Variants in GPC5 observed in about 807,000 individuals in gnomAD.
GPC5 encodes glypican 5, also known as glypican-5.
GPC5 carries 47 observed loss-of-function variants against 53.9 expected under a neutral mutation model. That is an observed-to-expected ratio of 0.87 (90% CI 0.69 to 1.11). The LOEUF (loss-of-function observed/expected upper bound fraction) is 1.11, where lower values mean the gene tolerates loss of function less well. Ranked by LOEUF, GPC5 falls within the 50% of genes most tolerant of loss-of-function variation. The pLI, the probability that GPC5 is intolerant of heterozygous loss-of-function variation, is 0.00. For synonymous variants in GPC5, 286 were observed against 263.3 expected, an observed-to-expected ratio of 1.09 and a Z score of -0.84; for missense variants, 748 against 713.1, an observed-to-expected ratio of 1.05 and a Z score of -0.56.
intron 7 of GPC5, among the ~76,000 whole-genome samples, chr13:92,189,074 G>T (rs2042204291): frequency 6.6e-6 from 1 of 152,154 alleles, no homozygotes; most frequent in Non-Finnish European, 1.5e-5. Context: ...AACTCCAGGG[G>T]CACCTAGTCA....
chr13:92,812,000 T>C (rs1286814431), intron 7 of GPC5, among the ~76,000 whole-genome samples: 2 of 152,004 alleles, frequency 1.3e-5, no homozygotes, highest in Non-Finnish European at 2.9e-5. Context: ...ATTTTAGCTT[T>C]GTTGTATGCT....
At chr13:92,734,003 G>A (rs1888874609) in intron 7 of GPC5, among the ~76,000 whole-genome samples, 1 of 151,872 alleles carries the variant, frequency 6.6e-6, no homozygotes, top group East Asian at 1.9e-4. Flanking sequence ...TTAGATAGTG[G>A]CTGAGGCAGC....
chr13:92,505,005 C>T (rs1387002429), intron 7 of GPC5, among the ~76,000 whole-genome samples: 1 of 151,100 alleles, frequency 6.6e-6, no homozygotes, highest in African/African-American at 2.4e-5. Flanking sequence ...ATAAATAGGA[C>T]TACATCAAAA....
At chr13:91,744,393 G>A (rs1239965906) in intron 4 of GPC5, among the ~76,000 whole-genome samples, 1 of 152,118 alleles carries the variant, frequency 6.6e-6, no homozygotes, top group Non-Finnish European at 1.5e-5. Flanking sequence ...GACTAAAATA[G>A]CTTATTTTAT....
intron 3 of GPC5, among the ~76,000 whole-genome samples, chr13:91,710,847 T>C (rs1276156781): frequency 3.3e-5 from 5 of 150,048 alleles, no homozygotes; most frequent in African/African-American, 1.2e-4. Flanking sequence ...ATAGGTATTC[T>C]TTGAAGAAAA....
At chr13:91,985,413 T>A (rs2040397800) in intron 6 of GPC5, among the ~76,000 whole-genome samples, 1 of 151,716 alleles carries the variant, frequency 6.6e-6, no homozygotes, top group African/African-American at 2.4e-5. Context: ...GCCTTTTAAT[T>A]ATTTGGTTCA....
chr13:92,790,794 T>A (rs1365660866), intron 7 of GPC5, among the ~76,000 whole-genome samples: 1 of 152,138 alleles, frequency 6.6e-6, no homozygotes, highest in African/African-American at 2.4e-5. Flanking sequence ...AATGACCTTG[T>A]CCCTCCTTCA....
At chr13:92,381,899 TCA>T in intron 7 of GPC5, among the ~76,000 whole-genome samples, 1 of 128,618 alleles carries the variant, frequency 7.8e-6, no homozygotes, top group South Asian at 2.3e-4. Context: ...TTATATATAA[TCA>T]TATATATGAT....
chr13:92,537,906 TGTGTC>T (rs1204720338), intron 7 of GPC5, among the ~76,000 whole-genome samples: 1 of 152,156 alleles, frequency 6.6e-6, no homozygotes, highest in Non-Finnish European at 1.5e-5. Flanking sequence ...TTTTTCTTAA[TGTGTC>T]TCCTATTGTG....
At chr13:91,654,138 C>A (rs774802016) in intron 2 of GPC5, among the ~76,000 whole-genome samples, 1 of 152,146 alleles carries the variant, frequency 6.6e-6, no homozygotes, top group Non-Finnish European at 1.5e-5. Flanking sequence ...CACTTCCTAA[C>A]ATGAATATTG....
intron 7 of GPC5, among the ~76,000 whole-genome samples, chr13:92,610,419 C>A (rs554183348): frequency 1.3e-5 from 2 of 151,990 alleles, no homozygotes; most frequent in Non-Finnish European, 2.9e-5. Context: ...CAAAGAAATG[C>A]GCTCCAGTCA....
intron 7 of GPC5, among the ~76,000 whole-genome samples, chr13:92,182,656 G>A (rs536372671): frequency 6.6e-6 from 1 of 152,240 alleles, no homozygotes; most frequent in South Asian, 2.1e-4. Context: ...CATGAGGTCA[G>A]GAGATCGAGA....
intron 7 of GPC5, among the ~76,000 whole-genome samples, chr13:92,853,356 G>T (rs1349088407): frequency 6.6e-6 from 1 of 152,010 alleles, no homozygotes; most frequent in Non-Finnish European, 1.5e-5. Context: ...GATTTATTGT[G>T]GTTAATCTCT....
intron 7 of GPC5, among the ~76,000 whole-genome samples, chr13:92,156,769 G>A (rs1026458827): frequency 1.3e-5 from 2 of 151,860 alleles, no homozygotes; most frequent in African/African-American, 4.8e-5. Flanking sequence ...ATAAAATATA[G>A]CATAATAGAT....
intron 7 of GPC5, chr13:92,239,738 T>C (rs1460281806): frequency 1.0e-5 from 1 of 98,246 alleles, no homozygotes; most frequent in African/African-American, 3.7e-5. Flanking sequence ...GGGAATTATA[T>C]TGTACATGAG....
intron 7 of GPC5, among the ~76,000 whole-genome samples, chr13:92,719,166 A>AGCC (rs1888428148): frequency 6.8e-6 from 1 of 146,688 alleles, no homozygotes; most frequent in East Asian, 2.5e-4. Context: ...TGATTCCTAT[A>AGCC]GCCCCCCCCC....
chr13:92,658,581 G>A (rs1234637769), intron 7 of GPC5, among the ~76,000 whole-genome samples: 11 of 152,128 alleles, frequency 7.2e-5, no homozygotes, highest in African/African-American at 2.4e-5. Context: ...ATCTTCTAGC[G>A]TTAAGAGCTG....
chr13:92,173,392 C>G, intron 7 of GPC5, among the ~76,000 whole-genome samples: 1 of 152,160 alleles, frequency 6.6e-6, no homozygotes, highest in East Asian at 1.9e-4. Flanking sequence ...GCTGCTCTGA[C>G]CCCATTAAAC....
At chr13:91,493,820 G>A (rs908012260) in intron 2 of GPC5, among the ~76,000 whole-genome samples, 2 of 151,994 alleles carry the variant, frequency 1.3e-5, no homozygotes, top group African/African-American at 4.8e-5. Context: ...AGGAGAATCT[G>A]CAAACGATTC....
Sources: gnomAD v4.1 joint callset for allele counts (sites outside exome capture counted in the v4.1 genomes callset) on GRCh38, gnomAD v4.1.1 for gene constraint, MANE v1.5 for transcripts, NCBI Gene and HGNC (gene_info 2026-07-23, HGNC 2026-07-21) for gene names.